LHPP: variants seen among roughly 807,000 people sequenced by gnomAD.
LHPP encodes the protein phospholysine phosphohistidine inorganic pyrophosphate phosphatase.
LHPP carries 24 observed loss-of-function variants against 30.3 expected under a neutral mutation model. The observed-to-expected ratio is 0.79, with a 90% CI of 0.57 to 1.11. The LOEUF is 1.11. Among genes scored for constraint, LHPP ranks in the 50% most tolerant of loss-of-function variants. LHPP has a pLI of 0.00. For synonymous variants in LHPP, 150 were observed against 157.1 expected, an observed-to-expected ratio of 0.95 and a Z score of 0.34; for missense variants, 356 against 367.2, an observed-to-expected ratio of 0.97 and a Z score of 0.25.
At chr10:124,559,163 C>A (rs2133968693) in intron 6 of LHPP, among the ~76,000 whole-genome samples, 1 of 152,300 alleles carries the variant, frequency 6.6e-6, no homozygotes, top group Non-Finnish European at 1.5e-5. Flanking sequence ...AAGGTTTCTA[C>A]CCCCAGGCTA....
chr10:124,607,012 C>CT (rs1949103819), intron 6 of LHPP, among the ~76,000 whole-genome samples: 1 of 152,170 alleles, frequency 6.6e-6, no homozygotes, highest in African/African-American at 2.4e-5. Flanking sequence ...ATGGTTCTTC[C>CT]TGTCCCTGCC....
At chr10:124,495,127 C>CTTCAA (rs1488950396) in intron 3 of LHPP, among the ~76,000 whole-genome samples, 7 of 152,178 alleles carry the variant, frequency 4.6e-5, no homozygotes, top group Admixed American at 4.6e-4. Context: ...GCGTTTAAGA[C>CTTCAA]ATGAACTTAG....
chr10:124,473,517 T>A (rs11245082), intron 1 of LHPP, among the ~76,000 whole-genome samples: 20,932 of 152,118 alleles, frequency 0.14, 1,849 homozygotes, highest in Non-Finnish European at 0.19. Flanking sequence ...CAATCCCAGC[T>A]CTGCCCCATA....
At chr10:124,515,408 C>G (rs1954425338) in intron 5 of LHPP, among the ~76,000 whole-genome samples, 1 of 152,194 alleles carries the variant, frequency 6.6e-6, no homozygotes, top group Non-Finnish European at 1.5e-5. Flanking sequence ...ATTACAAGGG[C>G]TGACTGAATG....
At chr10:124,468,569 C>T (rs181232183) in intron 1 of LHPP, among the ~76,000 whole-genome samples, 61 of 152,266 alleles carry the variant, frequency 4.0e-4, no homozygotes, top group African/African-American at 1.3e-3. Flanking sequence ...GCCTTGTCCA[C>T]GAGGACCTTC....
chr10:124,496,532 C>G lies in LHPP; in HGVS notation c.468-429C>G, dbSNP rs1329168466. On this transcript the variant is annotated intron_variant, in intron 3 of 6. Coordinates refer to ENST00000368842, the MANE Select transcript of LHPP (RefSeq NM_022126.4). The surrounding 1 kb of genome is among the most constrained non-coding windows in gnomAD (Gnocchi z 4.3). Reference sequence around the variant, plus strand: ...TAATGGAGTTCTCTTCTTCAGCCAGCAATTAGGGGTTAATTATTAGCAATT... The same window carrying G: ...TAATGGAGTTCTCTTCTTCAGCCAGGAATTAGGGGTTAATTATTAGCAATT... 6.6e-6 allele frequency among the ~76,000 whole-genome samples: 1 copy of G among 152,208 alleles called. No homozygotes were observed. The highest frequency in any genetic ancestry group is 1.5e-5 in the Non-Finnish European group (1 of 68,028).
At chr10:124,481,761 T>C (rs539429020) in intron 1 of LHPP, among the ~76,000 whole-genome samples, 1 of 152,158 alleles carries the variant, frequency 6.6e-6, no homozygotes, top group Non-Finnish European at 1.5e-5. Flanking sequence ...GCTCGAGTTC[T>C]TTCTATCCGA....
In LHPP at chr10:124,488,726, T is replaced by C. The variant is rs1410089718; in HGVS notation, c.467+151T>C. The C allele has an allele frequency of 7.7e-6, 5 of 652,348 alleles. No homozygotes were observed. The African/African-American group carries it at 9.2e-5, about 12-fold the overall frequency. 40.4% of individuals were successfully genotyped at this position (652,348 alleles called of 1,614,324 possible). On this transcript the variant is annotated intron_variant, in intron 3 of 6. Coordinates refer to ENST00000368842, the MANE Select transcript of LHPP (RefSeq NM_022126.4). The stretch of plus-strand genomic sequence containing the variant: ...TTCCCTCCCTTTTTCATGCTTTCTC[T>C]CTTCATTTCTTTATTCCTCTCCTTT...
intron 6 of LHPP, among the ~76,000 whole-genome samples, chr10:124,562,326 C>CAAAT (rs1484710872): frequency 2.0e-5 from 3 of 151,458 alleles, no homozygotes; most frequent in South Asian, 2.1e-4. Context: ...AACAAACAAA[C>CAAAT]AAATAAATAG....
At chr10:124,522,732 C>G (rs1297380646) in intron 6 of LHPP, among the ~76,000 whole-genome samples, 1 of 150,950 alleles carries the variant, frequency 6.6e-6, no homozygotes, top group Non-Finnish European at 1.5e-5. Flanking sequence ...CGCCCCCCCC[C>G]AAGCACTGTC....
chr10:124,492,054 T>G (rs1242496193), intron 3 of LHPP, among the ~76,000 whole-genome samples: 1 of 152,226 alleles, frequency 6.6e-6, no homozygotes, highest in Non-Finnish European at 1.5e-5. Flanking sequence ...AGCCTCACAT[T>G]CCTGCACACA....
intron 6 of LHPP, among the ~76,000 whole-genome samples, chr10:124,579,094 A>T (rs1284810130): frequency 6.6e-6 from 1 of 152,224 alleles, no homozygotes; most frequent in Non-Finnish European, 1.5e-5. Flanking sequence ...CCCGGTTACC[A>T]GCAAGCAGAT....
intron 6 of LHPP, among the ~76,000 whole-genome samples, chr10:124,604,317 G>C (rs527822956): frequency 1.4e-3 from 206 of 152,330 alleles, no homozygotes; most frequent in African/African-American, 4.9e-3. Flanking sequence ...GCCAGGTCAC[G>C]GGCTGGATGT....
At chr10:124,577,358 T>G (rs2133987312) in intron 6 of LHPP, among the ~76,000 whole-genome samples, 1 of 150,934 alleles carries the variant, frequency 6.6e-6, no homozygotes, top group South Asian at 2.1e-4. Context: ...TTTTCCCATC[T>G]AACCTTTTCT....
intron 6 of LHPP, among the ~76,000 whole-genome samples, chr10:124,551,364 C>T (rs946397541): frequency 3.0e-4 from 45 of 152,300 alleles, no homozygotes; most frequent in African/African-American, 1.1e-3. Flanking sequence ...GTGACACCAT[C>T]AGCAAGTTTG....
rs1954478467 is a variant in LHPP, at chr10:124,517,159, C to T, written c.625-21C>T. The T allele has an allele frequency of 6.4e-7, 1 of 1,562,600 alleles. No individual in the cohort carries two copies. The highest frequency in any genetic ancestry group is 1.2e-5 in the South Asian group (1 of 85,056). On this transcript the variant is annotated intron_variant, in intron 5 of 6. Transcript: ENST00000368842. The surrounding 1 kb of genome is among the most constrained non-coding windows in gnomAD (Gnocchi z 4.1). The stretch of plus-strand genomic sequence containing the variant: ...AAACTCTCCTGACATCACTTCTGAG[C>T]GTATTTCACTGCCGTGACAGGCCGT...
intron 6 of LHPP, among the ~76,000 whole-genome samples, chr10:124,545,276 G>T (rs1242149847): frequency 6.6e-6 from 1 of 152,232 alleles, no homozygotes; most frequent in Non-Finnish European, 1.5e-5. Flanking sequence ...GAAAGTGGGG[G>T]TGTAGTATTG....
intron 1 of LHPP, among the ~76,000 whole-genome samples, chr10:124,475,579 C>T (rs749272738): frequency 8.5e-5 from 13 of 152,120 alleles, no homozygotes; most frequent in Non-Finnish European, 1.6e-4. Flanking sequence ...ATATGATCTT[C>T]ATGACAGCCC....
chr10:124,484,359 G>A (rs751039640), intron 2 of LHPP, 33 bp downstream of exon 2: 14 of 1,589,634 alleles, frequency 8.8e-6, no homozygotes, highest in Non-Finnish European at 1.0e-5. Flanking sequence ...CCTCACGGGG[G>A]TGAAAGCTCC....
Sources: allele counts gnomAD v4.1 joint callset (sites outside exome capture counted in the v4.1 genomes callset), GRCh38; gene constraint gnomAD v4.1.1; non-coding constraint Gnocchi (gnomAD v3.1); transcripts MANE v1.5; gene names NCBI Gene and HGNC (gene_info 2026-07-23, HGNC 2026-07-21).